WDR17: variants seen among roughly 807,000 people sequenced by gnomAD.
The protein encoded by WDR17 is WD repeat-containing protein 17.
In WDR17, 143 loss-of-function variants were observed where a neutral mutation model predicts 161.7. The observed-to-expected ratio is 0.88, with a 90% CI of 0.77 to 1.02. The LOEUF (loss-of-function observed/expected upper bound fraction) is 1.02, where lower values mean the gene tolerates loss of function less well. WDR17 is among the 50% of genes least tolerant of loss of function. The pLI is 0.00. For synonymous variants in WDR17, 517 were observed against 515.6 expected (o/e 1.00, Z -0.04); for missense variants, 1,469 against 1,520.9 (o/e 0.97, Z 0.57).
chr4:176,111,030 A>T (rs535256529), intron 1 of WDR17, among the ~76,000 whole-genome samples: 49 of 152,288 alleles, frequency 3.2e-4, no homozygotes, highest in African/African-American at 1.1e-3. Flanking sequence ...ATGCACCTCA[A>T]ATAGATTTTG....
At chr4:176,126,725 T>C (rs1742506797) in intron 5 of WDR17, among the ~76,000 whole-genome samples, 1 of 152,180 alleles carries the variant, frequency 6.6e-6, no homozygotes, top group East Asian at 1.9e-4. Flanking sequence ...TCTTGAATTG[T>C]CATTGCCATG....
chr4:176,169,585 C>G (rs1428775127), intron 23 of WDR17, among the ~76,000 whole-genome samples: 1 of 152,178 alleles, frequency 6.6e-6, no homozygotes, highest in African/African-American at 2.4e-5. Flanking sequence ...GATATAAGTA[C>G]AATATTTTCT....
intron 3 of WDR17, among the ~76,000 whole-genome samples, chr4:176,118,939 C>A (rs1741092245): frequency 1.3e-5 from 2 of 151,708 alleles, no homozygotes; most frequent in East Asian, 1.9e-4. Context: ...CCAGCCTGGG[C>A]AACAGAGCAA....
At chr4:176,145,736 T>C (rs907632770) in intron 11 of WDR17, among the ~76,000 whole-genome samples, 3 of 152,162 alleles carry the variant, frequency 2.0e-5, no homozygotes, top group Non-Finnish European at 4.4e-5. Context: ...GAAATACCAT[T>C]ACCTCTGACC....
chr4:176,122,124 G>GA (rs1359537189), intron 4 of WDR17, among the ~76,000 whole-genome samples: 1 of 152,202 alleles, frequency 6.6e-6, no homozygotes, highest in East Asian at 1.9e-4. Context: ...AAGGCCCAAA[G>GA]AAAGGATCTG....
At chr4:176,124,091 T>A (rs1328632357) in intron 4 of WDR17, among the ~76,000 whole-genome samples, 1 of 152,252 alleles carries the variant, frequency 6.6e-6, no homozygotes, top group Non-Finnish European at 1.5e-5. Context: ...CTGGTCTCAA[T>A]TCTGTAATTA....
In WDR17 at chr4:176,131,603, A is replaced by C. The variant is rs745691060; in HGVS notation, c.963A>C (p.Glu321Asp). The part of the protein sequence containing the change: ...TKNHYTSSTS[E>D]AVPPPTLTQN... ...ATCATTATACATCCTCAACAAGCGAAGCAGTTCCACCCCCAACTTTAACAC... is the reference window on the plus strand; with the variant it reads ...ATCATTATACATCCTCAACAAGCGACGCAGTTCCACCCCCAACTTTAACAC... The change falls in exon 7 of 29, where the codon GAA (glutamate) becomes GAC (aspartate). Residue 321 changes from glutamate to aspartate, a missense_variant. Physicochemically the swap from Glu to Asp is conservative, Grantham distance 45 (BLOSUM62 2). Transcript: ENST00000508596. The C allele has an allele frequency of 6.2e-7, 1 of 1,613,244 alleles. No individual in the cohort carries two copies. Among genetic ancestry groups the C allele is most frequent in the East Asian group, 2.2e-5 (1 of 44,770 alleles).
At chr4:176,113,818 A>T (rs1042208533) in intron 2 of WDR17, among the ~76,000 whole-genome samples, 1 of 152,030 alleles carries the variant, frequency 6.6e-6, no homozygotes, top group Non-Finnish European at 1.5e-5. Context: ...TTAAATGATA[A>T]TGGGAAATGG....
intron 25 of WDR17, 26 bp downstream of exon 25, chr4:176,173,395 T>A (rs1440110530): frequency 6.9e-7 from 1 of 1,446,812 alleles, no homozygotes; most frequent in Non-Finnish European, 9.6e-7. Flanking sequence ...GCAAAATATA[T>A]AAGTGAATCT....
chr4:176,127,659 T>G (rs1014144982), intron 5 of WDR17, among the ~76,000 whole-genome samples: 1 of 152,116 alleles, frequency 6.6e-6, no homozygotes, highest in African/African-American at 2.4e-5. Flanking sequence ...ACATATAAAA[T>G]TCACCATTTT....
In WDR17 at chr4:176,180,956, T is replaced by C. The variant is rs1310233022; in HGVS notation, c.*1377T>C. On this transcript the variant is annotated 3_prime_UTR_variant, in exon 29 of 29. Transcript: ENST00000508596. Reference sequence around the variant, plus strand: ...GGAAGTACTTTGATACTCAAGTTGTTTCACAAGATTTATAATATAGATGGT... The same window carrying C: ...GGAAGTACTTTGATACTCAAGTTGTCTCACAAGATTTATAATATAGATGGT... 1 of 152,160 alleles carries C rather than the reference T, an allele frequency of 6.6e-6. No homozygotes were observed. Among genetic ancestry groups the C allele is most frequent in the Non-Finnish European group, 1.5e-5 (1 of 68,026 alleles). 9.4% of individuals were successfully genotyped at this position (152,160 alleles called of 1,614,324 possible).
intron 1 of WDR17, among the ~76,000 whole-genome samples, chr4:176,087,101 A>C (rs1373846755): frequency 6.6e-6 from 1 of 151,930 alleles, no homozygotes; most frequent in Non-Finnish European, 1.5e-5. Context: ...CATTTTGTAT[A>C]GTTAATATTT....
At chr4:176,154,749 TA>T (rs1172795297) in intron 17 of WDR17, among the ~76,000 whole-genome samples, 2 of 152,206 alleles carry the variant, frequency 1.3e-5, no homozygotes, top group East Asian at 1.9e-4. Flanking sequence ...TTTAACGTAT[TA>T]TTTTCTGGTT....
At chr4:176,119,756 T>A in intron 3 of WDR17, 111 bp from the exon 4 acceptor site, 2 of 937,102 alleles carry the variant, frequency 2.1e-6, no homozygotes, top group African/African-American at 1.7e-5. Context: ...AAGAAAGTAA[T>A]GTATCTTAAA....
chr4:176,121,640 A>G (rs985960517), intron 4 of WDR17, among the ~76,000 whole-genome samples: 3 of 152,204 alleles, frequency 2.0e-5, no homozygotes, highest in African/African-American at 7.2e-5. Flanking sequence ...CCTCTCCTTT[A>G]TCATTGACTG....
At chr4:176,108,329 T>C (rs1263792800) in intron 1 of WDR17, among the ~76,000 whole-genome samples, 1 of 152,108 alleles carries the variant, frequency 6.6e-6, no homozygotes. Flanking sequence ...CTGTAAAGGC[T>C]ACATAATGTA....
chr4:176,093,625 CAT>C (rs1458324118), intron 1 of WDR17, among the ~76,000 whole-genome samples: 1 of 152,070 alleles, frequency 6.6e-6, no homozygotes, highest in East Asian at 1.9e-4. Context: ...GATTCATGGA[CAT>C]AGATACAGGG....
At chr4:176,098,909 G>A (rs1353205402) in intron 1 of WDR17, among the ~76,000 whole-genome samples, 2 of 151,902 alleles carry the variant, frequency 1.3e-5, no homozygotes, top group Non-Finnish European at 2.9e-5. Flanking sequence ...AAGGATTTAA[G>A]TGTTGGTTTG....
At chr4:176,112,974 A>C (rs1022517735) in intron 2 of WDR17, among the ~76,000 whole-genome samples, 1 of 152,172 alleles carries the variant, frequency 6.6e-6, no homozygotes, top group Non-Finnish European at 1.5e-5. Flanking sequence ...GCATTAATGT[A>C]TAAAACAATC....
Sources: gnomAD v4.1 joint callset for allele counts (sites outside exome capture counted in the v4.1 genomes callset) on GRCh38, gnomAD v4.1.1 for gene constraint, MANE v1.5 for transcripts, NCBI Gene and HGNC (gene_info 2026-07-23, HGNC 2026-07-21) for gene names.